The following MTMR10 variants were observed in gnomAD, a reference collection of about 807,000 sequenced individuals.
The protein encoded by MTMR10 is myotubularin related protein 10, also known as myotubularin-related protein 10.
Under a neutral mutation model 88.1 loss-of-function variants are expected in MTMR10, and 56 were observed. That is an observed-to-expected ratio of 0.64 (90% CI 0.51 to 0.79). The LOEUF (loss-of-function observed/expected upper bound fraction) is 0.79, where lower values mean the gene tolerates loss of function less well. MTMR10 is among the 30% of genes least tolerant of loss of function. MTMR10 has a pLI of 0.00. For missense variants in MTMR10, 883 were observed against 924.7 expected (o/e 0.95, Z 0.58); for synonymous variants, 380 against 340.9 (o/e 1.11, Z -1.26).
intron 11 of MTMR10, among the ~76,000 whole-genome samples, chr15:30,952,256 A>G (rs1255338611): frequency 1.3e-5 from 2 of 152,274 alleles, no homozygotes; most frequent in Non-Finnish European, 2.9e-5. Context: ...GCTGCTACTC[A>G]GCATCACAAG....
At chr15:30,925,758 G>T in the MTMR10 span, 2 of 1,612,738 alleles carry the variant, frequency 1.2e-6, no homozygotes, top group Non-Finnish European at 1.7e-6. Context: ...CTGACCTGAG[G>T]CTAATAGATG....
the MTMR10 span, among the ~76,000 whole-genome samples, chr15:30,921,339 C>G: frequency 1.3e-5 from 2 of 152,042 alleles, no homozygotes; most frequent in Non-Finnish European, 2.9e-5. Context: ...TCTGAGGGAC[C>G]TTTTGCTTCC....
At chr15:30,919,132 G>A in the MTMR10 span, among the ~76,000 whole-genome samples, 1,824 of 152,308 alleles carry the variant, frequency 0.012, 8 homozygotes, top group Middle Eastern at 0.017. Flanking sequence ...TGTAATCCCG[G>A]CACTTTGGGA....
chr15:30,987,314 C>A lies in MTMR10; in HGVS notation c.121+3463G>T, dbSNP rs759419359. On this transcript the variant is annotated intron_variant, in intron 2 of 15. Coordinates refer to ENST00000435680, the MANE Select transcript of MTMR10 (RefSeq NM_017762.3). ...CCTCAGTAAACATCTCAGTGTCTAC[C>A]ACATTCCTGGCACTTTGTGAGACAT... 9.1e-4 allele frequency among the ~76,000 whole-genome samples: 138 copies of A among 152,198 alleles called. 1 individual carries two copies. The highest frequency in any genetic ancestry group is 3.7e-4 in the Non-Finnish European group (25 of 68,032).
intron 9 of MTMR10, 83 bp downstream of exon 9, chr15:30,958,780 G>C (rs1384995696): frequency 1.4e-6 from 2 of 1,412,984 alleles, no homozygotes; most frequent in Non-Finnish European, 2.0e-6. Context: ...TATGCATTTT[G>C]TTATTTTCAA....
the MTMR10 span, among the ~76,000 whole-genome samples, chr15:30,931,868 C>T: frequency 0.23 from 34,555 of 151,668 alleles, 4,938 homozygotes; most frequent in African/African-American, 0.41. Context: ...CAAAGTTGTT[C>T]TGGCTCTTTT....
chr15:30,959,120 G>C lies in MTMR10; in HGVS notation c.760C>G (p.Leu254Val), dbSNP rs1490477624. 1.3e-6 allele frequency: 2 copies of C among 1,564,058 alleles called. No individual in the cohort carries two copies. The highest frequency in any genetic ancestry group is 4.9e-5 in the East Asian group (2 of 40,778). ...CTTGGCACTACAATGTATTCTGGAA[G>C]GCTGGAGGGGAAAAAAAAAATTATA... ...INEGYMISTC[L>V]PEYIVVPSSL... is the part of the protein sequence containing the mutation. The change falls in exon 8 of 16, where the codon CTT becomes GTT. Residue 254 changes from leucine to valine, a missense_variant and splice_region_variant. Physicochemically the swap from Leu to Val is conservative, Grantham distance 32 (BLOSUM62 1). Around this residue, in one of 3 missense-constraint regions of MTMR10, gnomAD observed 414 missense variants for 423.2 expected, o/e 0.98. Transcript: ENST00000435680.
At chr15:30,928,023 C>T in the MTMR10 span, 1 of 987,260 alleles carries the variant, frequency 1.0e-6, no homozygotes, top group East Asian at 1.1e-4. Context: ...TGGGCTAGGG[C>T]AGTGTAGTAC....
At position 30,974,949 on chromosome 15, in the gene MTMR10, T is replaced by C; in HGVS notation, c.313A>G (p.Ile105Val). ...LGEHDVPLTCIEQIVTVNDHK... is the reference protein window; with the variant it reads ...LGEHDVPLTCVEQIVTVNDHK... ...TACGTACCTGTGACAATTTGCTCAA[T>C]ACATGTTAAAGGGACATCGTGTTCA... is the stretch of plus-strand genomic sequence containing the variant. Residue 105 changes from isoleucine (I) to valine (V), a missense_variant, in exon 4 of 16, where the codon ATT becomes GTT. Physicochemically the swap from Ile to Val is conservative, Grantham distance 29. Around this residue, in one of 3 missense-constraint regions of MTMR10, gnomAD observed 414 missense variants for 423.2 expected, o/e 0.98. Transcript: ENST00000435680. 6.3e-7 allele frequency: 1 copy of C among 1,574,868 alleles called. No homozygotes were observed. The highest frequency in any genetic ancestry group is 2.3e-5 in the East Asian group (1 of 43,500).
chr15:30,952,384 G>A (rs1377481127), intron 11 of MTMR10, among the ~76,000 whole-genome samples: 1 of 152,158 alleles, frequency 6.6e-6, no homozygotes, highest in Non-Finnish European at 1.5e-5. Flanking sequence ...TTCTTTTTAA[G>A]AGACAGGCTC....
chr15:30,944,530 T>C (rs2959034), intron 14 of MTMR10, among the ~76,000 whole-genome samples: 105,295 of 149,234 alleles, frequency 0.71, 37,952 homozygotes, highest in East Asian at 0.87. Flanking sequence ...CATGCCACTG[T>C]GCTCCAGCCT....
At chr15:30,982,019 G>A (rs1248368322) in intron 2 of MTMR10, among the ~76,000 whole-genome samples, 3 of 151,330 alleles carry the variant, frequency 2.0e-5, no homozygotes, top group East Asian at 1.9e-4. Flanking sequence ...TGCGGTGAGC[G>A]GAGATCACGC....
chr15:30,967,263 A>T (rs1226856407), intron 6 of MTMR10, among the ~76,000 whole-genome samples: 3 of 152,162 alleles, frequency 2.0e-5, no homozygotes, highest in Non-Finnish European at 2.9e-5. Context: ...AGATATTTTT[A>T]AAAATTGTTT....
rs757458714 is a variant in MTMR10 at position 30,941,819 on chromosome 15, AAGT to A, written c.1982_1984del (p.Tyr661del). ...GATCTGGGCCTCGGGAACCCAGCGG[AAGT>A]AGCACAGTTTCCACAGTTTTATGTG... On this transcript the variant is annotated inframe_deletion, in exon 16 of 16. Coordinates refer to ENST00000435680, the MANE Select transcript of MTMR10 (RefSeq NM_017762.3). 2.5e-6 allele frequency: 4 copies of A among 1,613,928 alleles called. No homozygotes were observed. In the Admixed American group the frequency reaches 6.7e-5, roughly 27 times the overall value.
In MTMR10 at chr15:30,939,273, A is replaced by G. The variant is rs2062957284; in HGVS notation, c.*2197T>C. 2.0e-6 allele frequency: 2 copies of G among 985,484 alleles called. No individual in the cohort carries two copies. The highest frequency in any genetic ancestry group is 2.4e-6 in the Non-Finnish European group (2 of 829,946). 61.0% of individuals were successfully genotyped at this position (985,484 alleles called of 1,614,324 possible). ...AAGACACTGTACACCTTTACGTTCA[A>G]TACTAGAAATTTCACCCAGTGCATC... On this transcript the variant is annotated 3_prime_UTR_variant, in exon 16 of 16. Transcript: ENST00000435680.
chr15:30,987,775 C>T (rs2031040238), intron 2 of MTMR10, among the ~76,000 whole-genome samples: 2 of 151,700 alleles, frequency 1.3e-5, no homozygotes, highest in South Asian at 2.1e-4. Context: ...TGGTTTGCTG[C>T]ACCCATCAAC....
chr15:30,953,226 T>C (rs2063275910), intron 11 of MTMR10, among the ~76,000 whole-genome samples: 1 of 152,206 alleles, frequency 6.6e-6, no homozygotes, highest in Non-Finnish European at 1.5e-5. Context: ...GGTGCACCTA[T>C]AAGAAGGCTA....
At chr15:30,918,994 CAT>C in the MTMR10 span, among the ~76,000 whole-genome samples, 1 of 152,206 alleles carries the variant, frequency 6.6e-6, no homozygotes, top group East Asian at 1.9e-4. Flanking sequence ...CTACCGATTA[CAT>C]AGTCAATTAA....
downstream of MTMR10, among the ~76,000 whole-genome samples, chr15:30,937,675 G>T (rs2062900159): frequency 6.6e-6 from 1 of 151,522 alleles, no homozygotes; most frequent in African/African-American, 2.4e-5. Context: ...AGGTTGGTCT[G>T]GAACTTCTGA....
Sources: gnomAD v4.1 joint callset for allele counts (sites outside exome capture counted in the v4.1 genomes callset) on GRCh38, gnomAD v4.1.1 for gene constraint, gnomAD v4.1.1 regional missense constraint, MANE v1.5 for transcripts, NCBI Gene and HGNC (gene_info 2026-07-23, HGNC 2026-07-21) for gene names.